ANKRD46: variants seen among roughly 807,000 people sequenced by gnomAD.
ANKRD46 encodes the protein ankyrin repeat domain 46.
Under a neutral mutation model 19.8 loss-of-function variants are expected in ANKRD46, and 13 were observed. The ratio of observed to expected loss-of-function variants is 0.66; its 90% CI spans 0.43 to 1.04. The LOEUF is 1.04. ANKRD46 is among the 50% of genes least tolerant of loss of function. The pLI is 0.00. For missense variants in ANKRD46, 185 were observed against 274.8 expected, an observed-to-expected ratio of 0.67 and a Z score of 2.31; for synonymous variants, 91 against 106.9, an observed-to-expected ratio of 0.85 and a Z score of 0.92.
downstream of ANKRD46, among the ~76,000 whole-genome samples, chr8:100,518,402 G>T (rs1418083449): frequency 6.6e-6 from 1 of 152,204 alleles, no homozygotes; most frequent in East Asian, 1.9e-4. Context: ...ATCTGTAATA[G>T]AATTATGTTG....
At chr8:100,558,366 C>T (rs957137970) in intron 1 of ANKRD46, among the ~76,000 whole-genome samples, 10 of 152,028 alleles carry the variant, frequency 6.6e-5, no homozygotes, top group African/African-American at 2.4e-4. Context: ...GTACTGCTAC[C>T]ATAATAATGC....
At position 100,537,683 on chromosome 8, in the gene ANKRD46, G is replaced by T. The variant is rs889968197; in HGVS notation, c.-130-4372C>A. ...CCAAAGATACTGGGCAAGGAAAAAT[G>T]CCATGTTGAAAAGAAATTTAGCTGT... is the stretch of plus-strand genomic sequence containing the variant. On this transcript the variant is annotated intron_variant, in intron 1 of 4. Transcript: ENST00000335659. This position sits in a 1 kb window ranked among gnomAD's most constrained non-coding sequence, Gnocchi z 4.2. Among the ~76,000 whole-genome samples, 3 of 152,176 alleles carry T rather than the reference G, an allele frequency of 2.0e-5. No individual in the cohort carries two copies. The highest frequency in any genetic ancestry group is 7.2e-5 in the African/African-American group (3 of 41,442).
At position 100,546,906 on chromosome 8, in the gene ANKRD46, C is replaced by G. The variant is rs1176037499; in HGVS notation, c.-131+12805G>C. ...ACTGCCTGGCTGGGTTTCAGACTTG[C>G]ATGAGGCCTGAGGCCCCTTTGTTTT... On this transcript the variant is annotated intron_variant, in intron 1 of 4. Coordinates refer to ENST00000335659, the MANE Select transcript of ANKRD46 (RefSeq NM_001270377.2). This position sits in a 1 kb window ranked among gnomAD's most constrained non-coding sequence, Gnocchi z 4.0. Among the ~76,000 whole-genome samples the G allele has an allele frequency of 6.6e-6, 1 of 152,212 alleles. No individual in the cohort carries two copies. Among genetic ancestry groups the G allele is most frequent in the East Asian group, 1.9e-4 (1 of 5,198 alleles).
intron 3 of ANKRD46, among the ~76,000 whole-genome samples, chr8:100,528,919 A>T (rs1379870585): frequency 1.3e-5 from 2 of 152,204 alleles, no homozygotes; most frequent in Admixed American, 6.5e-5. Context: ...TATCACTAAA[A>T]CAAACAAAAA....
chr8:100,528,020 A>G lies in ANKRD46; in HGVS notation c.312-17T>C, dbSNP rs1214338544. 1 of 1,543,386 alleles carries G rather than the reference A, an allele frequency of 6.5e-7. No homozygotes were observed. The highest frequency in any genetic ancestry group is 1.4e-5 in the African/African-American group (1 of 71,352). On this transcript the variant is annotated splice_polypyrimidine_tract_variant and intron_variant, in intron 3 of 4. Coordinates refer to ENST00000335659, the MANE Select transcript of ANKRD46 (RefSeq NM_001270377.2). The stretch of plus-strand genomic sequence containing the variant: ...TGATGATTGCTAAAAAAAAAAAAAA[A>G]AAAAAAAGTTTATAAAAATAAAGAA...
chr8:100,517,604 T>C (rs1811655213), downstream of ANKRD46, among the ~76,000 whole-genome samples: 1 of 152,166 alleles, frequency 6.6e-6, no homozygotes, highest in South Asian at 2.1e-4. Flanking sequence ...GGTTGTGCTG[T>C]GAAAAGTCAA....
chr8:100,558,728 G>A (rs1031365219), intron 1 of ANKRD46, among the ~76,000 whole-genome samples: 1 of 152,096 alleles, frequency 6.6e-6, no homozygotes, highest in Non-Finnish European at 1.5e-5. Context: ...TGAAGTAAGG[G>A]AGATGAGACC....
chr8:100,555,157 CTAAT>C (rs1348574151), intron 1 of ANKRD46, among the ~76,000 whole-genome samples: 10 of 151,920 alleles, frequency 6.6e-5, no homozygotes, highest in Admixed American at 2.0e-4. Context: ...ACCCAGTTCT[CTAAT>C]TATTTTCCTT....
rs1352904324 is a variant in ANKRD46, at chr8:100,537,950, A to AC, written c.-130-4640dup. On this transcript the variant is annotated intron_variant, in intron 1 of 4. Transcript: ENST00000335659. The surrounding 1 kb of genome is among the most constrained non-coding windows in gnomAD (Gnocchi z 4.2). ...GCAGCTGCTGTAAGTTGTCAAGATA[A>AC]CCAGGAGAAAACAGTTCATGTAAAA... 6.6e-6 allele frequency among the ~76,000 whole-genome samples: 1 copy of AC among 152,164 alleles called. No homozygotes were observed. Among genetic ancestry groups the AC allele is most frequent in the Non-Finnish European group, 1.5e-5 (1 of 68,020 alleles).
At chr8:100,515,902 A>C, downstream of ANKRD46, among the ~76,000 whole-genome samples, 1 of 142,142 alleles carries the variant, frequency 7.0e-6, no homozygotes, top group African/African-American at 2.6e-5. Context: ...ATGGAGTTTC[A>C]CTCCTGTTGC....
At chr8:100,553,769 CA>C (rs1291463707) in intron 1 of ANKRD46, among the ~76,000 whole-genome samples, 1 of 151,478 alleles carries the variant, frequency 6.6e-6, no homozygotes, top group Non-Finnish European at 1.5e-5. Context: ...AAACAAAAAC[CA>C]AAAAAACTCA....
chr8:100,520,028 TAGAA>T (rs1759102637), downstream of ANKRD46, among the ~76,000 whole-genome samples: 1 of 152,032 alleles, frequency 6.6e-6, no homozygotes, highest in African/African-American at 2.4e-5. Flanking sequence ...TTAAACAAGT[TAGAA>T]AGAAAATCAT....
chr8:100,514,515 T>C (rs773441406), intron 5 of ANKRD46, among the ~76,000 whole-genome samples: 17 of 150,146 alleles, frequency 1.1e-4, no homozygotes, highest in Admixed American at 6.0e-4. Context: ...AATAAATCTT[T>C]AGGGAAAAAA....
In ANKRD46 at chr8:100,537,572, A is replaced by G. The variant is rs1812089282; in HGVS notation, c.-130-4261T>C. Among the ~76,000 whole-genome samples the G allele has an allele frequency of 6.6e-6, 1 of 152,220 alleles. No individual in the cohort carries two copies. Among genetic ancestry groups the G allele is most frequent in the Non-Finnish European group, 1.5e-5 (1 of 68,038 alleles). ...TCAAAATATAATCTCAGAGAACTATAAAACAAAAATTTCCAATGAAGTCAT... is the reference window on the plus strand; with the variant it reads ...TCAAAATATAATCTCAGAGAACTATGAAACAAAAATTTCCAATGAAGTCAT... On this transcript the variant is annotated intron_variant, in intron 1 of 4. Transcript: ENST00000335659. This position sits in a 1 kb window ranked among gnomAD's most constrained non-coding sequence, Gnocchi z 4.2.
intron 5 of ANKRD46, among the ~76,000 whole-genome samples, chr8:100,515,671 C>CGGGGGGGGGGGGGGGGGGGGGGGGGGG (rs1811619119): frequency 8.0e-6 from 1 of 124,714 alleles, no homozygotes; most frequent in African/African-American, 3.1e-5. Flanking sequence ...AGGGGGGGGG[C>CGGGGGGGGGGGGGGGGGGGGGGGGGGG]GGTGATGGCA....
intron 1 of ANKRD46, among the ~76,000 whole-genome samples, chr8:100,541,691 G>A (rs1303557453): frequency 6.6e-6 from 1 of 152,126 alleles, no homozygotes; most frequent in Non-Finnish European, 1.5e-5. Flanking sequence ...ACATGCTACC[G>A]CTCATCCCCA....
Position 100,522,470 on chromosome 8 carries a change from C to G in ANKRD46, c.*85G>C, listed in dbSNP as rs1386612978. 3.2e-6 allele frequency: 5 copies of G among 1,552,910 alleles called. No individual in the cohort carries two copies. The South Asian group carries it at 6.0e-5, about 19-fold the overall frequency. ...AACATGTACTGCCCTCACTGCTTTG[C>G]GCTAAGAAAAATTCTGAGAAACTGA... On this transcript the variant is annotated 3_prime_UTR_variant, in exon 5 of 5. Transcript: ENST00000335659.
In ANKRD46 at chr8:100,522,645, G is replaced by C; in HGVS notation, c.597C>G (p.Ile199Met). The change falls in exon 5 of 5, where the codon ATC (isoleucine) becomes ATG (methionine). Residue 199 changes from isoleucine to methionine, a missense_variant. Coordinates refer to ENST00000335659, the MANE Select transcript of ANKRD46 (RefSeq NM_001270377.2). The part of the protein sequence containing the change: ...DLGFWRVLLL[I>M]FVIALLSLGI... ...CAAGAGACAGCAAAGCAATGACGAA[G>C]ATCAACAGCAATACTCTCCAGAAGC... 6.2e-7 allele frequency: 1 copy of C among 1,613,998 alleles called. No homozygotes were observed. Among genetic ancestry groups the C allele is most frequent in the East Asian group, 2.2e-5 (1 of 44,876 alleles).
At position 100,544,194 on chromosome 8, in the gene ANKRD46, A is replaced by G. The variant is rs1024798782; in HGVS notation, c.-130-10883T>C. ...CAGCAAGAAATCTGCCCATACAACC[A>G]TCCCTAACTCTCTTCAGTCAGCTTC... On this transcript the variant is annotated intron_variant, in intron 1 of 4. Transcript: ENST00000335659. This position sits in a 1 kb window ranked among gnomAD's most constrained non-coding sequence, Gnocchi z 4.4. Among the ~76,000 whole-genome samples, 1 of 152,098 alleles carries G rather than the reference A, an allele frequency of 6.6e-6. No individual in the cohort carries two copies. Among genetic ancestry groups the G allele is most frequent in the African/African-American group, 2.4e-5 (1 of 41,426 alleles).
Sources: gnomAD v4.1 joint callset for allele counts (sites outside exome capture counted in the v4.1 genomes callset) on GRCh38, gnomAD v4.1.1 for gene constraint, Gnocchi (gnomAD v3.1) non-coding constraint, MANE v1.5 for transcripts, NCBI Gene and HGNC (gene_info 2026-07-23, HGNC 2026-07-21) for gene names.